Variants in MTHFD2L observed in about 807,000 individuals in gnomAD.
MTHFD2L encodes methylenetetrahydrofolate dehydrogenase (NADP+ dependent) 2 like, also known as bifunctional methylenetetrahydrofolate dehydrogenase/cyclohydrolase 2, mitochondrial.
A neutral mutation model predicts 34.9 loss-of-function variants in MTHFD2L; 29 were observed. The ratio of observed to expected loss-of-function variants is 0.83; its 90% confidence interval spans 0.62 to 1.13. The LOEUF (loss-of-function observed/expected upper bound fraction) is 1.13. Ranked by LOEUF, MTHFD2L falls within the 50% of genes most tolerant of loss-of-function variation. MTHFD2L has a pLI of 0.00. For synonymous variants in MTHFD2L, 167 were observed against 155.7 expected (o/e 1.07, Z -0.54); for missense variants, 481 against 446.5 (o/e 1.08, Z -0.70).
At chr4:74,282,784 G>T (rs189101666) in intron 7 of MTHFD2L, among the ~76,000 whole-genome samples, 11 of 152,220 alleles carry the variant, frequency 7.2e-5, no homozygotes, top group African/African-American at 2.4e-4. Context: ...CTCTGACATG[G>T]TTGGAACTCT....
At chr4:74,178,851 G>A (rs1729553973) in intron 3 of MTHFD2L, among the ~76,000 whole-genome samples, 1 of 151,994 alleles carries the variant, frequency 6.6e-6, no homozygotes, top group Non-Finnish European at 1.5e-5. Flanking sequence ...AAGAGGGTAA[G>A]TAACTTCTTC....
At position 74,276,545 on chromosome 4, in the gene MTHFD2L, G is replaced by A. The variant is rs943686169; in HGVS notation, c.806-4880G>A. 1.2e-4 allele frequency among the ~76,000 whole-genome samples: 18 copies of A among 152,062 alleles called. No homozygotes were observed. The South Asian group carries it at 2.7e-3, about 23-fold the overall frequency. On this transcript the variant is annotated intron_variant, in intron 6 of 7. Transcript: ENST00000325278. ...AACTCTAACAAAAAGAAAAATATCC[G>A]GACTGTGCATCCTAATGGTATATGT... is the stretch of plus-strand genomic sequence containing the variant.
chr4:74,276,982 G>A (rs1478295341), intron 6 of MTHFD2L, among the ~76,000 whole-genome samples: 1 of 151,852 alleles, frequency 6.6e-6, no homozygotes, highest in Non-Finnish European at 1.5e-5. Context: ...AGAATTGAAA[G>A]GCATAACTAA....
chr4:74,223,621 A>G (rs1738614160), intron 5 of MTHFD2L, among the ~76,000 whole-genome samples: 1 of 116,040 alleles, frequency 8.6e-6, no homozygotes, highest in South Asian at 3.2e-4. Context: ...ACTTAAAATA[A>G]AACTTAAAAA....
At chr4:74,230,063 C>T (rs981863520) in intron 6 of MTHFD2L, among the ~76,000 whole-genome samples, 3 of 151,994 alleles carry the variant, frequency 2.0e-5, no homozygotes, top group Non-Finnish European at 4.4e-5. Context: ...AGAACTTTTT[C>T]AAATTGATAC....
chr4:74,171,093 C>T (rs1727870403), intron 1 of MTHFD2L, among the ~76,000 whole-genome samples: 1 of 151,918 alleles, frequency 6.6e-6, no homozygotes, highest in Non-Finnish European at 1.5e-5. Context: ...TAAACCTGCA[C>T]ATTGTGCACA....
At chr4:74,244,780 T>TGTCAAGTTTTGGTA (rs1742181664) in intron 6 of MTHFD2L, among the ~76,000 whole-genome samples, 1 of 152,166 alleles carries the variant, frequency 6.6e-6, no homozygotes, top group African/African-American at 2.4e-5. Context: ...AACTATCACT[T>TGTCAAGTTTTGGTA]GTCAAGTTTT....
intron 3 of MTHFD2L, among the ~76,000 whole-genome samples, chr4:74,184,827 A>C (rs1730839314): frequency 6.6e-6 from 1 of 152,100 alleles, no homozygotes; most frequent in South Asian, 2.1e-4. Flanking sequence ...CTCTGACCAC[A>C]ATGGAATTAA....
intron 6 of MTHFD2L, among the ~76,000 whole-genome samples, chr4:74,262,281 A>C (rs1744774435): frequency 6.6e-6 from 1 of 151,948 alleles, no homozygotes. Flanking sequence ...CAAAAATAAA[A>C]ATTATTGGAG....
chr4:74,174,355 C>T (rs981807504), intron 1 of MTHFD2L, 151 bp from the exon 2 acceptor site: 2 of 431,050 alleles, frequency 4.6e-6, no homozygotes, highest in Admixed American at 4.4e-5. Flanking sequence ...TATTTATGAA[C>T]CTGAAGAGTA....
chr4:74,123,197 C>T (rs1326034938), upstream of MTHFD2L: 1 of 152,070 alleles, frequency 6.6e-6, no homozygotes. Context: ...TTTCCAGTAA[C>T]ATAGTGCAAG....
chr4:74,282,152 A>G (rs1747576546), intron 7 of MTHFD2L, among the ~76,000 whole-genome samples: 1 of 152,140 alleles, frequency 6.6e-6, no homozygotes, highest in South Asian at 2.1e-4. Flanking sequence ...TCTTCTCTTT[A>G]CAATAGGGGA....
At chr4:74,301,189 G>T (rs1750269274) in intron 7 of MTHFD2L, among the ~76,000 whole-genome samples, 1 of 152,092 alleles carries the variant, frequency 6.6e-6, no homozygotes, top group Admixed American at 6.6e-5. Flanking sequence ...ACAGGACTAT[G>T]TATGTGTTCA....
chr4:74,203,832 A>G (rs1005865141), intron 5 of MTHFD2L, among the ~76,000 whole-genome samples: 1 of 152,024 alleles, frequency 6.6e-6, no homozygotes, highest in Non-Finnish European at 1.5e-5. Context: ...AGATAAAACA[A>G]TCAGTAATGT....
intron 7 of MTHFD2L, among the ~76,000 whole-genome samples, chr4:74,282,178 C>A (rs1244651696): frequency 6.6e-6 from 1 of 152,064 alleles, no homozygotes; most frequent in Non-Finnish European, 1.5e-5. Flanking sequence ...GGCCCCAGTA[C>A]TTCTAGATGC....
intron 7 of MTHFD2L, among the ~76,000 whole-genome samples, 170 bp downstream of exon 7, chr4:74,281,720 CCT>C (rs1747510916): frequency 6.6e-6 from 1 of 152,114 alleles, no homozygotes; most frequent in African/African-American, 2.4e-5. Context: ...TTTCTCCCTT[CCT>C]CTCTCTTTCC....
chr4:74,124,942 CAAA>C (rs560582984), upstream of MTHFD2L, among the ~76,000 whole-genome samples: 1 of 143,882 alleles, frequency 7.0e-6, no homozygotes, highest in Non-Finnish European at 1.5e-5. Context: ...AACAGAACAG[CAAA>C]AAAAAAAAAT....
intron 5 of MTHFD2L, among the ~76,000 whole-genome samples, chr4:74,205,607 G>C (rs914530322): frequency 1.3e-5 from 2 of 152,090 alleles, no homozygotes; most frequent in African/African-American, 4.8e-5. Flanking sequence ...TTCCCCAAGG[G>C]CTTGAAATAT....
intron 1 of MTHFD2L, among the ~76,000 whole-genome samples, chr4:74,126,440 T>A (rs1394452101): frequency 6.6e-6 from 1 of 152,142 alleles, no homozygotes; most frequent in Non-Finnish European, 1.5e-5. Flanking sequence ...TGGGGAGGGA[T>A]GTTTACTCCT....
Sources: allele counts gnomAD v4.1 joint callset (sites outside exome capture counted in the v4.1 genomes callset), GRCh38; gene constraint gnomAD v4.1.1; transcripts MANE v1.5; gene names NCBI Gene and HGNC (gene_info 2026-07-23, HGNC 2026-07-21).